The following DOCK8 variants were observed in gnomAD, a reference collection of about 807,000 sequenced individuals.
DOCK8 encodes the protein dedicator of cytokinesis protein 8.
DOCK8 carries 141 observed loss-of-function variants against 245.6 expected under a neutral mutation model. The observed-to-expected ratio is 0.57, with a 90% CI of 0.50 to 0.66. The LOEUF is 0.66. Ranked by LOEUF, DOCK8 falls within the 30% of genes least tolerant of loss-of-function variation. The pLI is 0.00. For missense variants in DOCK8, 2,965 were observed against 2,603.4 expected (o/e 1.14, Z -3.02); for synonymous variants, 1,168 against 970.2 (o/e 1.20, Z -3.79).
At chr9:333,403 C>A (rs751352544) in intron 10 of DOCK8, among the ~76,000 whole-genome samples, 1 of 152,144 alleles carries the variant, frequency 6.6e-6, no homozygotes, top group Non-Finnish European at 1.5e-5. Flanking sequence ...AGATTGAGAC[C>A]ATCCTGGCCA....
intron 1 of DOCK8, among the ~76,000 whole-genome samples, chr9:267,258 G>T (rs532614687): frequency 6.6e-6 from 1 of 152,340 alleles, no homozygotes; most frequent in South Asian, 2.1e-4. Flanking sequence ...AAGCTGGAGT[G>T]CAGCAGGCAT....
chr9:307,671 T>A (rs1470085632), intron 5 of DOCK8, among the ~76,000 whole-genome samples: 1 of 152,024 alleles, frequency 6.6e-6, no homozygotes, highest in African/African-American at 2.4e-5. Flanking sequence ...TGTCTGTGTT[T>A]AAGAGCCAAC....
At chr9:215,310 GCCCT>G in intron 1 of DOCK8, 2 of 1,605,220 alleles carry the variant, frequency 1.2e-6, no homozygotes, top group Non-Finnish European at 1.7e-6. Flanking sequence ...CGCCCGCTCC[GCCCT>G]CCAGGTTCTT....
At chr9:328,316 C>T (rs1056465261) in intron 9 of DOCK8, 145 bp downstream of exon 9, 5 of 1,149,868 alleles carry the variant, frequency 4.3e-6, no homozygotes, top group African/African-American at 3.1e-5. Flanking sequence ...TACCCCTTTT[C>T]CGTTCTAAGT....
intron 2 of DOCK8, among the ~76,000 whole-genome samples, chr9:277,331 A>G (rs1195862787): frequency 6.6e-6 from 1 of 151,986 alleles, no homozygotes; most frequent in Admixed American, 6.6e-5. Context: ...AGGCTGAGGC[A>G]GAAGGATCAC....
intron 1 of DOCK8, chr9:215,272 C>A (rs769490613): frequency 6.2e-7 from 1 of 1,606,620 alleles, no homozygotes. Flanking sequence ...TGTCCTCAGC[C>A]GCCGGGGATC....
intron 5 of DOCK8, among the ~76,000 whole-genome samples, chr9:308,682 G>C (rs1200368175): frequency 6.6e-6 from 1 of 152,116 alleles, no homozygotes; most frequent in South Asian, 2.1e-4. Context: ...TTTAGAGACA[G>C]AGTCTTGCTC....
chr9:287,872 C>T (rs1295023433), intron 3 of DOCK8, among the ~76,000 whole-genome samples: 4 of 152,014 alleles, frequency 2.6e-5, no homozygotes, highest in African/African-American at 9.7e-5. Flanking sequence ...TTGGAAAAAG[C>T]TGTTTAAAAT....
intron 24 of DOCK8, among the ~76,000 whole-genome samples, chr9:395,143 C>G (rs930437795): frequency 2.0e-5 from 3 of 152,154 alleles, no homozygotes; most frequent in Admixed American, 6.5e-5. Context: ...TTCGGGTCTT[C>G]TCACCAGGTG....
chr9:408,921 A>G (rs1225955955), intron 28 of DOCK8, among the ~76,000 whole-genome samples: 1 of 143,906 alleles, frequency 6.9e-6, no homozygotes, highest in East Asian at 2.1e-4. Context: ...CACACACAGT[A>G]CCCTTTCTCC....
intron 10 of DOCK8, among the ~76,000 whole-genome samples, chr9:333,474 G>A (rs1006155570): frequency 2.0e-5 from 3 of 152,116 alleles, no homozygotes; most frequent in African/African-American, 7.2e-5. Context: ...GGTGGCACGT[G>A]CCTGTATTCC....
intron 46 of DOCK8, among the ~76,000 whole-genome samples, chr9:461,809 T>C (rs2057814873): frequency 6.6e-6 from 1 of 152,104 alleles, no homozygotes; most frequent in Non-Finnish European, 1.5e-5. Context: ...CCCAAAGTGC[T>C]GGGATTACAG....
rs779355260 is a variant in DOCK8, at chr9:368,118, G to A, written c.1780G>A (p.Ala594Thr). 1.4e-5 allele frequency: 23 copies of A among 1,613,990 alleles called. No individual in the cohort carries two copies. In the South Asian group the frequency reaches 2.4e-4, roughly 17 times the overall value. ...IKIQFMCGED[A>T]SNAMPVIFGK... ...GATCCAGTTTATGTGTGGAGAAGAT[G>A]CTAGCAATGCGATGCCGGTAAGGAG... The change falls in exon 15 of 48, where the codon GCT (alanine) becomes ACT (threonine). Residue 594 changes from alanine to threonine, a missense_variant. Ala to Thr is a moderately conservative substitution (Grantham distance 58). This residue lies in a region of DOCK8 where 2,825 missense variants were observed against 2,453.5 expected (regional missense o/e 1.15). Coordinates refer to ENST00000432829, the MANE Select transcript of DOCK8 (RefSeq NM_203447.4).
At chr9:330,624 C>T (rs2050968300) in intron 9 of DOCK8, among the ~76,000 whole-genome samples, 1 of 151,818 alleles carries the variant, frequency 6.6e-6, no homozygotes, top group African/African-American at 2.4e-5. Flanking sequence ...CCTGACATAC[C>T]ATAATTAGGT....
At chr9:301,389 A>T (rs1277516954) in intron 4 of DOCK8, among the ~76,000 whole-genome samples, 1 of 152,246 alleles carries the variant, frequency 6.6e-6, no homozygotes, top group Non-Finnish European at 1.5e-5. Flanking sequence ...AGCCAACATC[A>T]TACTGAGTGG....
intron 29 of DOCK8, among the ~76,000 whole-genome samples, chr9:416,717 G>T (rs953647570): frequency 6.6e-6 from 1 of 152,102 alleles, no homozygotes; most frequent in Non-Finnish European, 1.5e-5. Flanking sequence ...CAACCTTTCC[G>T]TGCCTTCCTT....
chr9:214,444 CTT>C, upstream of DOCK8: 1 of 1,553,142 alleles, frequency 6.4e-7, no homozygotes, highest in East Asian at 2.3e-5. Context: ...ATTCCACTAA[CTT>C]TTTTGTCTTT....
chr9:275,669 A>C (rs183727036), intron 2 of DOCK8, among the ~76,000 whole-genome samples: 28 of 151,760 alleles, frequency 1.8e-4, no homozygotes, highest in Non-Finnish European at 2.7e-4. Context: ...GCTCACTGCA[A>C]CTCCTGCCTC....
At chr9:336,768 G>A in intron 12 of DOCK8, 50 bp downstream of exon 12, 1 of 1,611,488 alleles carries the variant, frequency 6.2e-7, no homozygotes, top group Non-Finnish European at 8.5e-7. Flanking sequence ...TACTGGCATG[G>A]GCACTGGAAC....
Sources: gnomAD v4.1 joint callset for allele counts (sites outside exome capture counted in the v4.1 genomes callset) on GRCh38, gnomAD v4.1.1 for gene constraint, gnomAD v4.1.1 regional missense constraint, MANE v1.5 for transcripts, NCBI Gene and HGNC (gene_info 2026-07-23, HGNC 2026-07-21) for gene names.